Variants in NHSL1 observed in about 807,000 individuals in gnomAD.
NHSL1 encodes the protein NHS-like protein 1.
Under a neutral mutation model 95.0 loss-of-function variants are expected in NHSL1, and 48 were observed. The ratio of observed to expected loss-of-function variants is 0.51; its 90% confidence interval spans 0.40 to 0.64. NHSL1 has a LOEUF of 0.64. NHSL1 is among the 30% of genes least tolerant of loss of function. The pLI is 0.00. For synonymous variants in NHSL1, 783 were observed against 833.9 expected (o/e 0.94, Z 1.05); for missense variants, 1,971 against 2,077.7 (o/e 0.95, Z 1.00).
chr6:138,687,851 C>T (rs1036710272), intron 1 of NHSL1, among the ~76,000 whole-genome samples: 1 of 147,328 alleles, frequency 6.8e-6, no homozygotes, highest in African/African-American at 2.5e-5. Context: ...TGGGGAATAA[C>T]TAGTTATGAG....
At chr6:138,595,679 TCTTTC>T (rs1784293912) in intron 1 of NHSL1, among the ~76,000 whole-genome samples, 1 of 152,378 alleles carries the variant, frequency 6.6e-6, no homozygotes, top group African/African-American at 2.4e-5. Flanking sequence ...ATTCTCTCCC[TCTTTC>T]CTTTCTTGAA....
chr6:138,437,443 CACAAAAA>C lies in NHSL1; in HGVS notation c.665-3770_665-3764del, dbSNP rs1342510711. ...ACACACACACACACACACACACACA[CACAAAAA>C]AAAAAAAAAAAAATACAATGCACCT... On this transcript the variant is annotated intron_variant, in intron 5 of 7. Transcript: ENST00000343505. Among the ~76,000 whole-genome samples, 17 of 41,598 alleles carry C rather than the reference CACAAAAA, an allele frequency of 4.1e-4. 1 individual carries two copies. The highest frequency in any genetic ancestry group is 1.1e-3 in the African/African-American group (13 of 11,386). 27.3% of individuals were successfully genotyped at this position (41,598 alleles called of 152,430 possible).
chr6:138,536,424 G>A (rs1048501038), intron 1 of NHSL1, among the ~76,000 whole-genome samples: 3 of 152,100 alleles, frequency 2.0e-5, no homozygotes, highest in South Asian at 2.1e-4. Context: ...CACTGGACAC[G>A]GAAAAGCAGC....
At chr6:138,544,438 C>T (rs1237445111) in intron 1 of NHSL1, among the ~76,000 whole-genome samples, 1 of 151,030 alleles carries the variant, frequency 6.6e-6, no homozygotes, top group Non-Finnish European at 1.5e-5. Flanking sequence ...TTGTTCTTAC[C>T]CCTTCAATTT....
upstream of NHSL1, among the ~76,000 whole-genome samples, chr6:138,502,911 T>C (rs941431955): frequency 6.6e-6 from 1 of 152,206 alleles, no homozygotes; most frequent in Admixed American, 6.5e-5. Flanking sequence ...AAGAGATAGC[T>C]TAGCAGCCTT....
At chr6:138,653,828 T>G (rs1785122713) in intron 1 of NHSL1, among the ~76,000 whole-genome samples, 1 of 152,196 alleles carries the variant, frequency 6.6e-6, no homozygotes, top group South Asian at 2.1e-4. Flanking sequence ...ATATGAAATG[T>G]TTCACGAAAC....
chr6:138,673,019 CTAGATAGATAGG>C (rs1446561304), intron 1 of NHSL1, among the ~76,000 whole-genome samples: 158 of 111,706 alleles, frequency 1.4e-3, no homozygotes, highest in Non-Finnish European at 2.5e-3. Flanking sequence ...TCATAGATAG[CTAGATAGATAGG>C]TAGATAGATA....
chr6:138,594,381 T>TCGCGGGGCTTCTGCAACTCCTC (rs1784273779), intron 1 of NHSL1, among the ~76,000 whole-genome samples: 1 of 152,164 alleles, frequency 6.6e-6, no homozygotes, highest in Non-Finnish European at 1.5e-5. Flanking sequence ...ACTGCCAATT[T>TCGCGGGGCTTCTGCAACTCCTC]CGCGGGGCTT....
intron 1 of NHSL1, among the ~76,000 whole-genome samples, chr6:138,598,389 C>T (rs1276292171): frequency 1.3e-5 from 2 of 151,258 alleles, no homozygotes; most frequent in African/African-American, 4.9e-5. Context: ...GCCTGGGAGG[C>T]GGCAGTTGCA....
intron 1 of NHSL1, among the ~76,000 whole-genome samples, chr6:138,688,012 C>T (rs1287603784): frequency 6.6e-6 from 1 of 152,066 alleles, no homozygotes; most frequent in South Asian, 2.1e-4. Context: ...GGTGCAGTGG[C>T]GCCATCTCGG....
At chr6:138,584,573 T>C (rs4257875) in intron 1 of NHSL1, among the ~76,000 whole-genome samples, 71,482 of 152,034 alleles carry the variant, frequency 0.47, 18,877 homozygotes, top group African/African-American at 0.72. Context: ...GTAATGAACT[T>C]ATTCAATAAG....
chr6:138,487,743 G>A (rs1328643831), intron 2 of NHSL1, among the ~76,000 whole-genome samples: 1 of 152,158 alleles, frequency 6.6e-6, no homozygotes, highest in Admixed American at 6.5e-5. Flanking sequence ...TGACAACACT[G>A]CAACCAGAAT....
At chr6:138,585,420 G>A (rs1784120466) in intron 1 of NHSL1, among the ~76,000 whole-genome samples, 1 of 152,222 alleles carries the variant, frequency 6.6e-6, no homozygotes, top group Non-Finnish European at 1.5e-5. Context: ...TAAAGGATGT[G>A]AGGCAAGGAA....
chr6:138,526,843 T>A (rs1157598022), intron 1 of NHSL1, among the ~76,000 whole-genome samples: 1 of 152,236 alleles, frequency 6.6e-6, no homozygotes, highest in Non-Finnish European at 1.5e-5. Context: ...CTCTTTTCCT[T>A]GTGTTTTTAA....
chr6:138,513,554 T>C (rs1427454944), intron 1 of NHSL1, among the ~76,000 whole-genome samples: 1 of 152,140 alleles, frequency 6.6e-6, no homozygotes, highest in Non-Finnish European at 1.5e-5. Flanking sequence ...AATTGGATTT[T>C]ATTTTCTTGA....
At chr6:138,441,798 C>A (rs1157660503) in intron 5 of NHSL1, among the ~76,000 whole-genome samples, 185 bp downstream of exon 5, 1 of 152,196 alleles carries the variant, frequency 6.6e-6, no homozygotes, top group African/African-American at 2.4e-5. Context: ...AAAATTCAAT[C>A]AACTCTCTCT....
chr6:138,474,080 G>C lies in NHSL1; in HGVS notation c.212-647C>G, dbSNP rs188315615. On this transcript the variant is annotated intron_variant, in intron 2 of 7. Coordinates refer to ENST00000343505, the MANE Select transcript of NHSL1 (RefSeq NM_001144060.2). ...CCACTATGGTGCCATGGATCTCGGG[G>C]TACTGGGGCCACTGGCTGTGTGGAA... Among the ~76,000 whole-genome samples the C allele has an allele frequency of 1.2e-3, 184 of 152,248 alleles. 3 individuals are homozygous for C. In the East Asian group the frequency reaches 0.032, roughly 27 times the overall value.
intron 1 of NHSL1, among the ~76,000 whole-genome samples, chr6:138,597,101 C>T (rs1209339575): frequency 2.6e-5 from 4 of 152,116 alleles, no homozygotes; most frequent in Non-Finnish European, 5.9e-5. Flanking sequence ...GCAGAGGCTG[C>T]AGTGAGCCAA....
intron 1 of NHSL1, among the ~76,000 whole-genome samples, chr6:138,542,136 TGACACAGA>T (rs1782606395): frequency 6.6e-6 from 1 of 152,154 alleles, no homozygotes; most frequent in Non-Finnish European, 1.5e-5. Context: ...GAAAAACATC[TGACACAGA>T]GACACAGAGA....
Sources: allele counts gnomAD v4.1 joint callset (sites outside exome capture counted in the v4.1 genomes callset), GRCh38; gene constraint gnomAD v4.1.1; transcripts MANE v1.5; gene names NCBI Gene and HGNC (gene_info 2026-07-23, HGNC 2026-07-21).